The following PHLDB2 variants were observed in gnomAD, a reference collection of about 807,000 sequenced individuals.
PHLDB2 encodes pleckstrin homology-like domain family B member 2.
In PHLDB2, 71 loss-of-function variants were observed where a neutral mutation model predicts 123.6. That is an observed-to-expected ratio of 0.57 (90% confidence interval 0.47 to 0.70). The LOEUF is 0.70. Among genes scored for constraint, PHLDB2 ranks in the 30% least tolerant of loss-of-function variants. PHLDB2 has a pLI of 0.00. For synonymous variants in PHLDB2, 547 were observed against 541.6 expected, an observed-to-expected ratio of 1.01 and a Z score of -0.14; for missense variants, 1,446 against 1,519.5, an observed-to-expected ratio of 0.95 and a Z score of 0.80.
At chr3:111,941,891 G>A (rs1241416698) in intron 8 of PHLDB2, among the ~76,000 whole-genome samples, 1 of 152,130 alleles carries the variant, frequency 6.6e-6, no homozygotes, top group Non-Finnish European at 1.5e-5. Context: ...CCCATTTGGG[G>A]TGCCCCAGCA....
chr3:111,967,939 C>A, intron 15 of PHLDB2, 115 bp downstream of exon 15: 5 of 401,526 alleles, frequency 1.2e-5, no homozygotes, highest in Admixed American at 5.3e-5. Context: ...TAGCACTTGA[C>A]ATGTAAGGGT....
rs537010187 is a variant in PHLDB2, at chr3:111,919,517, G to T, written c.1863+302G>T. On this transcript the variant is annotated intron_variant, in intron 4 of 17. Coordinates refer to ENST00000431670, the MANE Select transcript of PHLDB2 (RefSeq NM_001134438.2). The stretch of plus-strand genomic sequence containing the variant: ...ACCTGACCTAACAGAGGATCTATCA[G>T]CTGAGGTGCTCTGTATTTAGATTTC... Among the ~76,000 whole-genome samples the T allele has an allele frequency of 3.7e-4, 57 of 152,238 alleles. 3 individuals are homozygous for T. In the South Asian group the frequency reaches 0.012, roughly 32 times the overall value.
chr3:111,949,656 T>A, intron 10 of PHLDB2: 1 of 897,412 alleles, frequency 1.1e-6, no homozygotes, highest in Non-Finnish European at 1.3e-6. Flanking sequence ...GTCTTATTCT[T>A]TCATTTCATG....
At chr3:111,923,395 C>T (rs969466068) in intron 5 of PHLDB2, among the ~76,000 whole-genome samples, 1 of 152,194 alleles carries the variant, frequency 6.6e-6, no homozygotes, top group Admixed American at 6.5e-5. Flanking sequence ...TTACCTCTTT[C>T]TCACTCTTTA....
chr3:111,945,250 G>A lies in PHLDB2; in HGVS notation c.2398-18G>A. The A allele has an allele frequency of 6.4e-7, 1 of 1,554,766 alleles. No individual in the cohort carries two copies. The highest frequency in any genetic ancestry group is 8.8e-7 in the Non-Finnish European group (1 of 1,131,474). ...CGAAGGTTGACTTTTAAGTTTAATA[G>A]GTTTTGTATTCCTTCAGGAAAAGGA... On this transcript the variant is annotated intron_variant, in intron 8 of 17. Transcript: ENST00000431670.
rs568044005 is a variant in PHLDB2 at position 111,918,932 on chromosome 3, G to A, written c.1720-140G>A. On this transcript the variant is annotated intron_variant, in intron 3 of 17. Transcript: ENST00000431670. ...GGAAAAACACATCAGAGCTCCAAGC[G>A]TGCAGTTGCAGGGATGCTTTTAAAA... The A allele has an allele frequency of 5.0e-5, 42 of 838,318 alleles. No individual in the cohort carries two copies. In the Middle Eastern group the frequency reaches 7.1e-4, roughly 14 times the overall value. The allele number at this position is 838,318 out of a possible 1,614,324, so 51.9% of individuals were successfully genotyped here.
At chr3:111,846,111 A>G in intron 2 of PHLDB2, 5 of 607,324 alleles carry the variant, frequency 8.2e-6, no homozygotes, top group Non-Finnish European at 1.5e-5. Context: ...GCTTGTTCAC[A>G]GGCCACCATA....
intron 8 of PHLDB2, among the ~76,000 whole-genome samples, chr3:111,942,227 G>A (rs962679059): frequency 3.9e-5 from 6 of 152,050 alleles, no homozygotes; most frequent in Non-Finnish European, 5.9e-5. Flanking sequence ...TGTAAAAATT[G>A]TGGTCTATAA....
intron 16 of PHLDB2, among the ~76,000 whole-genome samples, chr3:111,971,980 A>G (rs1266248266): frequency 6.6e-6 from 1 of 152,224 alleles, no homozygotes; most frequent in Non-Finnish European, 1.5e-5. Flanking sequence ...GCGTTATCTC[A>G]TCAATTTACA....
intron 12 of PHLDB2, among the ~76,000 whole-genome samples, chr3:111,955,157 A>ATG (rs1229379699): frequency 6.7e-6 from 1 of 149,546 alleles, no homozygotes; most frequent in Non-Finnish European, 1.5e-5. Flanking sequence ...ATATATATAT[A>ATG]TATCTCTCAC....
rs28419452 is a variant in PHLDB2 at position 111,966,198 on chromosome 3, T to C, written c.3078-415T>C. ...TTATATAGAACGTTGGTGATAGTCT[T>C]GTTGGTCTGATATCTTTAAGTCATT... On this transcript the variant is annotated intron_variant, in intron 13 of 17. Transcript: ENST00000431670. Among the ~76,000 whole-genome samples the C allele has an allele frequency of 6.3e-3, 963 of 152,262 alleles. 11 individuals are homozygous for C. The highest frequency in any genetic ancestry group is 0.022 in the African/African-American group (913 of 41,536).
At chr3:111,863,244 A>G (rs1159176704) in intron 1 of PHLDB2, among the ~76,000 whole-genome samples, 1 of 152,202 alleles carries the variant, frequency 6.6e-6, no homozygotes, top group African/African-American at 2.4e-5. Flanking sequence ...GGTTCCACAG[A>G]CATAGCAGAT....
chr3:111,837,393 A>C (rs1450676256), intron 1 of PHLDB2, among the ~76,000 whole-genome samples: 1 of 152,180 alleles, frequency 6.6e-6, no homozygotes, highest in East Asian at 1.9e-4. Context: ...AGGGGGTGGC[A>C]TGGAGAAGAG....
chr3:111,966,242 C>G (rs2071744335), intron 13 of PHLDB2, among the ~76,000 whole-genome samples: 1 of 152,072 alleles, frequency 6.6e-6, no homozygotes, highest in Non-Finnish European at 1.5e-5. Context: ...GGGAAGGACT[C>G]TCATGGGTCA....
At chr3:111,737,947 G>A (rs1475027905) in intron 1 of PHLDB2, among the ~76,000 whole-genome samples, 1 of 152,134 alleles carries the variant, frequency 6.6e-6, no homozygotes, top group Non-Finnish European at 1.5e-5. Flanking sequence ...TATGTGAGCA[G>A]GCTTCAAGAG....
intron 1 of PHLDB2, among the ~76,000 whole-genome samples, chr3:111,860,873 C>G (rs186383233): frequency 1.3e-5 from 2 of 152,214 alleles, no homozygotes; most frequent in African/African-American, 2.4e-5. Context: ...AATGTGGAGT[C>G]TTTTTAGTGT....
intron 1 of PHLDB2, among the ~76,000 whole-genome samples, chr3:111,734,411 C>G (rs1941612345): frequency 6.6e-6 from 1 of 152,082 alleles, no homozygotes; most frequent in African/African-American, 2.4e-5. Flanking sequence ...GCCTCTGTCT[C>G]TACAAAAAAT....
chr3:111,764,484 T>G (rs1031210977), intron 1 of PHLDB2, among the ~76,000 whole-genome samples: 2 of 152,178 alleles, frequency 1.3e-5, no homozygotes, highest in African/African-American at 4.8e-5. Context: ...CTATCACCCC[T>G]ATTCCCAACC....
intron 2 of PHLDB2, among the ~76,000 whole-genome samples, chr3:111,906,871 C>T (rs975057649): frequency 7.2e-5 from 11 of 152,116 alleles, no homozygotes; most frequent in African/African-American, 2.7e-4. Context: ...TGATGGTGCA[C>T]GCATACATGC....
Sources: allele counts gnomAD v4.1 joint callset (sites outside exome capture counted in the v4.1 genomes callset), GRCh38; gene constraint gnomAD v4.1.1; transcripts MANE v1.5; gene names NCBI Gene and HGNC (gene_info 2026-07-23, HGNC 2026-07-21).